The following ASTN2 variants were observed in gnomAD, a reference collection of about 807,000 sequenced individuals.
ASTN2 encodes the protein astrotactin 2.
Under a neutral mutation model 139.8 loss-of-function variants are expected in ASTN2, and 54 were observed. The observed-to-expected ratio is 0.39, with a 90% confidence interval of 0.31 to 0.48. The LOEUF is 0.48. Among genes scored for constraint, ASTN2 ranks in the 20% least tolerant of loss-of-function variants. ASTN2 has a pLI of 0.95. For missense variants in ASTN2, 1,565 were observed against 1,725.1 expected, an observed-to-expected ratio of 0.91 and a Z score of 1.64; for synonymous variants, 756 against 719.5, an observed-to-expected ratio of 1.05 and a Z score of -0.81.
rs1302603027 is a variant in ASTN2, at chr9:116,698,228, G to A, written c.2806+27543C>T. On this transcript the variant is annotated intron_variant, in intron 16 of 22. Transcript: ENST00000313400. The surrounding 1 kb of genome is among the most constrained non-coding windows in gnomAD (Gnocchi z 4.4). ...CTCGTCTGCGGGAACTTATGGGGGA[G>A]CTGCAGCGGCGGAAGGCAGCCTTGG... 6 of 1,614,054 alleles carry A rather than the reference G, an allele frequency of 3.7e-6. No individual in the cohort carries two copies. The highest frequency in any genetic ancestry group is 5.1e-6 in the Non-Finnish European group (6 of 1,180,046).
intron 10 of ASTN2, among the ~76,000 whole-genome samples, chr9:116,888,574 ATGCAGTGG>A (rs1833677874): frequency 6.6e-6 from 1 of 151,890 alleles, no homozygotes; most frequent in Non-Finnish European, 1.5e-5. Flanking sequence ...CCAGGCTGGA[ATGCAGTGG>A]TGCAATCTCG....
chr9:117,071,782 G>A (rs373628218), intron 5 of ASTN2, among the ~76,000 whole-genome samples: 11 of 151,626 alleles, frequency 7.3e-5, no homozygotes, highest in South Asian at 2.1e-4. Flanking sequence ...TTCCAGGTGC[G>A]TCCGTCACCC....
intron 20 of ASTN2, among the ~76,000 whole-genome samples, chr9:116,462,820 G>C (rs1178020290): frequency 6.8e-6 from 1 of 147,724 alleles, no homozygotes; most frequent in Non-Finnish European, 1.5e-5. Context: ...GTGTGTGTGT[G>C]TGTGTGTGTG....
intron 20 of ASTN2, among the ~76,000 whole-genome samples, chr9:116,479,285 A>G (rs975245453): frequency 1.3e-5 from 2 of 152,186 alleles, no homozygotes; most frequent in Non-Finnish European, 2.9e-5. Context: ...GGCATGAAGA[A>G]AGGAAATGAA....
intron 1 of ASTN2, among the ~76,000 whole-genome samples, chr9:117,385,056 T>C (rs1176430714): frequency 6.6e-6 from 1 of 152,182 alleles, no homozygotes; most frequent in Non-Finnish European, 1.5e-5. Context: ...CCACTATATA[T>C]AGTATCGAAG....
chr9:117,087,084 A>C (rs7047202), intron 5 of ASTN2, among the ~76,000 whole-genome samples: 20,249 of 152,212 alleles, frequency 0.13, 1,500 homozygotes, highest in East Asian at 0.19. Context: ...AAGGCTACCT[A>C]AATTTAGGCA....
At chr9:116,986,286 A>C (rs1836681273) in intron 7 of ASTN2, among the ~76,000 whole-genome samples, 1 of 151,644 alleles carries the variant, frequency 6.6e-6, no homozygotes, top group Non-Finnish European at 1.5e-5. Context: ...GACCGGATTC[A>C]TCTCTGGTCC....
At chr9:117,102,860 A>C (rs1026491205) in intron 4 of ASTN2, among the ~76,000 whole-genome samples, 1 of 149,942 alleles carries the variant, frequency 6.7e-6, no homozygotes, top group Admixed American at 6.6e-5. Flanking sequence ...ATTATATCTC[A>C]CAAAACGAAA....
At chr9:116,918,665 C>T (rs1438975888) in intron 10 of ASTN2, among the ~76,000 whole-genome samples, 1 of 152,142 alleles carries the variant, frequency 6.6e-6, no homozygotes, top group African/African-American at 2.4e-5. Context: ...TTGCTAGTGT[C>T]CCTCTGGCAT....
At position 116,726,055 on chromosome 9, in the gene ASTN2, C is replaced by T. The variant is rs1055632382; in HGVS notation, c.2627-105G>A. 6 of 1,104,054 alleles carry T rather than the reference C, an allele frequency of 5.4e-6. No homozygotes were observed. In the Admixed American group the frequency reaches 1.3e-4, roughly 23 times the overall value. The allele number at this position is 1,104,054 out of a possible 1,614,324, so 68.4% of individuals were successfully genotyped here. On this transcript the variant is annotated intron_variant, in intron 15 of 22. Coordinates refer to ENST00000313400, the MANE Select transcript of ASTN2 (RefSeq NM_001365068.1). ...TCCCAACCTGTATTTTGTGCCTTAC[C>T]CCTCAGCACAGTGGCAGCTTGGTGG...
chr9:117,290,122 A>G (rs962049380), intron 2 of ASTN2, among the ~76,000 whole-genome samples: 24 of 152,312 alleles, frequency 1.6e-4, no homozygotes, highest in African/African-American at 5.1e-4. Flanking sequence ...GAGTGGCTTT[A>G]TGCCAATCAC....
chr9:117,250,487 T>C (rs987899294), intron 2 of ASTN2, among the ~76,000 whole-genome samples: 1 of 152,226 alleles, frequency 6.6e-6, no homozygotes, highest in African/African-American at 2.4e-5. Context: ...ATCTGTTAAT[T>C]TATTAATGGA....
intron 10 of ASTN2, among the ~76,000 whole-genome samples, chr9:116,938,161 C>G (rs1835128115): frequency 6.6e-6 from 1 of 152,346 alleles, no homozygotes; most frequent in East Asian, 1.9e-4. Context: ...ACTTCACCCT[C>G]TCCTGTACTG....
chr9:116,876,065 A>G (rs1239764063), intron 10 of ASTN2, among the ~76,000 whole-genome samples: 1 of 152,188 alleles, frequency 6.6e-6, no homozygotes, highest in Non-Finnish European at 1.5e-5. Context: ...ATCTGGGTAA[A>G]ATAAATTAAA....
chr9:117,199,690 A>T (rs954633797), intron 3 of ASTN2, among the ~76,000 whole-genome samples: 1 of 152,248 alleles, frequency 6.6e-6, no homozygotes, highest in East Asian at 1.9e-4. Context: ...TTCGATGGGA[A>T]TAGCATTGAA....
At chr9:116,904,126 A>G (rs112856291) in intron 10 of ASTN2, among the ~76,000 whole-genome samples, 3,613 of 152,294 alleles carry the variant, frequency 0.024, 58 homozygotes, top group Middle Eastern at 0.1. Flanking sequence ...CTCTCATTCA[A>G]CTGCACATGG....
chr9:117,334,980 G>A (rs1391820206), intron 1 of ASTN2, among the ~76,000 whole-genome samples: 2 of 152,128 alleles, frequency 1.3e-5, no homozygotes, highest in African/African-American at 2.4e-5. Context: ...GCTTGAACCC[G>A]GTAGGCAGAG....
chr9:117,175,780 G>A (rs1445331899), intron 3 of ASTN2, among the ~76,000 whole-genome samples: 2 of 151,880 alleles, frequency 1.3e-5, no homozygotes, highest in African/African-American at 4.8e-5. Flanking sequence ...AGAAATTATA[G>A]GTGCATAACT....
At chr9:117,106,318 C>T (rs1829101980) in intron 4 of ASTN2, among the ~76,000 whole-genome samples, 1 of 152,000 alleles carries the variant, frequency 6.6e-6, no homozygotes, top group Non-Finnish European at 1.5e-5. Flanking sequence ...CCTCCGCCTC[C>T]CATTTTCAAG....
Sources: allele counts gnomAD v4.1 joint callset (sites outside exome capture counted in the v4.1 genomes callset), GRCh38; gene constraint gnomAD v4.1.1; non-coding constraint Gnocchi (gnomAD v3.1); transcripts MANE v1.5; gene names NCBI Gene and HGNC (gene_info 2026-07-23, HGNC 2026-07-21).